The following PAPSS1 variants were observed in gnomAD, a reference collection of about 807,000 sequenced individuals.
PAPSS1 encodes the protein 3'-phosphoadenosine 5'-phosphosulfate synthase 1, also known as bifunctional 3'-phosphoadenosine 5'-phosphosulfate synthase 1.
PAPSS1 carries 50 observed loss-of-function variants against 72.0 expected under a neutral mutation model. That is an observed-to-expected ratio of 0.69 (90% confidence interval 0.55 to 0.88). The LOEUF (loss-of-function observed/expected upper bound fraction) is 0.88, where lower values mean the gene tolerates loss of function less well. PAPSS1 is among the 40% of genes least tolerant of loss of function. The pLI is 0.00. For missense variants in PAPSS1, 657 were observed against 782.2 expected (o/e 0.84, Z 1.91); for synonymous variants, 261 against 263.6 (o/e 0.99, Z 0.09).
In PAPSS1 at chr4:107,645,045, G is replaced by A. The variant is rs758279070; in HGVS notation, c.1263C>T (p.Arg421=). Residue 421 remains arginine, a synonymous_variant, in exon 10 of 12, where the codon CGC becomes CGT. Transcript: ENST00000265174. ...GGGCATGTCCATTGTGCACTGGGTT[G>A]CGTAGTTGAAATGCAAAGACAGCAT... ...NADAVFAFQL[R]NPVHNGHALL... 3.9e-6 allele frequency: 6 copies of A among 1,550,830 alleles called. No individual in the cohort carries two copies. In the Admixed American group the frequency reaches 9.8e-5, roughly 25 times the overall value.
chr4:107,646,292 GATAT>G (rs527908552), intron 9 of PAPSS1, among the ~76,000 whole-genome samples: 197 of 142,880 alleles, frequency 1.4e-3, no homozygotes, highest in African/African-American at 4.9e-3. Flanking sequence ...TAGAACTACA[GATAT>G]ATATATATAT....
At chr4:107,658,813 C>A (rs1317503079) in intron 6 of PAPSS1, among the ~76,000 whole-genome samples, 1 of 152,088 alleles carries the variant, frequency 6.6e-6, no homozygotes, top group Non-Finnish European at 1.5e-5. Flanking sequence ...TGTGTCCTCT[C>A]AAAATTCCTA....
At chr4:107,696,963 C>T (rs546593558) in intron 2 of PAPSS1, among the ~76,000 whole-genome samples, 1 of 152,288 alleles carries the variant, frequency 6.6e-6, no homozygotes, top group Admixed American at 6.5e-5. Context: ...TTAGGACTTA[C>T]CTGCAGCCAA....
At chr4:107,640,398 T>C (rs1333274603) in intron 10 of PAPSS1, among the ~76,000 whole-genome samples, 1 of 152,216 alleles carries the variant, frequency 6.6e-6, no homozygotes, top group African/African-American at 2.4e-5. Context: ...GAAAAGCATT[T>C]GTGCTAAGGA....
intron 10 of PAPSS1, 61 bp downstream of exon 10, chr4:107,644,741 T>A: frequency 6.7e-7 from 1 of 1,483,180 alleles, no homozygotes; most frequent in Non-Finnish European, 9.1e-7. Context: ...ATGGTGACAC[T>A]AGCTGTGTTA....
chr4:107,666,382 A>C (rs1051748367), intron 5 of PAPSS1, among the ~76,000 whole-genome samples: 20 of 152,222 alleles, frequency 1.3e-4, no homozygotes, highest in African/African-American at 4.6e-4. Flanking sequence ...AAATAAAAAA[A>C]TCCTGATTTG....
chr4:107,632,831 CACTGTTCCATATTAAAATAAGGTATA>C (rs2110303271), intron 10 of PAPSS1, among the ~76,000 whole-genome samples: 1 of 152,294 alleles, frequency 6.6e-6, no homozygotes, highest in East Asian at 1.9e-4. Flanking sequence ...ATAAAACCAT[CACTGTTCCATATTAAAATAAGGTATA>C]AATGATAACC....
At chr4:107,698,741 G>A (rs192711533) in intron 2 of PAPSS1, among the ~76,000 whole-genome samples, 2 of 152,292 alleles carry the variant, frequency 1.3e-5, no homozygotes, top group East Asian at 1.9e-4. Context: ...GTTATAGGGA[G>A]GGCCCCACAA....
intron 11 of PAPSS1, among the ~76,000 whole-genome samples, chr4:107,625,669 C>A (rs1226165806): frequency 1.3e-5 from 2 of 152,136 alleles, no homozygotes; most frequent in Non-Finnish European, 2.9e-5. Context: ...AAGAACCATG[C>A]ATGAGGTAAT....
In PAPSS1 at chr4:107,654,803, C is replaced by T. The variant is rs867977376; in HGVS notation, c.993G>A (p.Glu331=). 10 of 1,614,010 alleles carry T rather than the reference C, an allele frequency of 6.2e-6. No individual in the cohort carries two copies. The African/African-American group carries it at 1.2e-4, about 19-fold the overall frequency. Residue 331 remains glutamate, a synonymous_variant, in exon 8 of 12, where the codon GAG becomes GAA. Coordinates refer to ENST00000265174, the MANE Select transcript of PAPSS1 (RefSeq NM_005443.5). ...TGCGAAGAATGGCCACACGGCGGCC[C>T]TCATACATCAGAGCAAATGCTGTAC... ...DGCTAFALMY[E]GRRVAILRNP...
chr4:107,642,495 A>G (rs1726574777), intron 10 of PAPSS1, among the ~76,000 whole-genome samples: 1 of 152,198 alleles, frequency 6.6e-6, no homozygotes, highest in African/African-American at 2.4e-5. Context: ...AACCTAACAT[A>G]AAACTTACAA....
At chr4:107,693,269 A>C (rs1320536750) in intron 3 of PAPSS1, among the ~76,000 whole-genome samples, 2 of 151,804 alleles carry the variant, frequency 1.3e-5, no homozygotes, top group African/African-American at 4.8e-5. Flanking sequence ...GGGAGGAAAC[A>C]AAAATCCTGA....
At chr4:107,699,722 A>C (rs895087693) in intron 2 of PAPSS1, among the ~76,000 whole-genome samples, 1 of 152,212 alleles carries the variant, frequency 6.6e-6, no homozygotes, top group Non-Finnish European at 1.5e-5. Flanking sequence ...GATTAGGCTC[A>C]CACTTATTCA....
intron 5 of PAPSS1, among the ~76,000 whole-genome samples, chr4:107,673,601 G>A (rs1006022493): frequency 6.6e-6 from 1 of 152,166 alleles, no homozygotes; most frequent in Non-Finnish European, 1.5e-5. Flanking sequence ...GTAGCTGAAA[G>A]TGACAGGGAG....
At chr4:107,685,559 T>C (rs554403192) in intron 4 of PAPSS1, among the ~76,000 whole-genome samples, 1 of 152,304 alleles carries the variant, frequency 6.6e-6, no homozygotes, top group East Asian at 1.9e-4. Context: ...TTTCCTCCAA[T>C]TGTCATAATT....
At chr4:107,634,974 A>G (rs899836107) in intron 10 of PAPSS1, among the ~76,000 whole-genome samples, 1 of 151,294 alleles carries the variant, frequency 6.6e-6, no homozygotes, top group Admixed American at 6.6e-5. Context: ...ATTTTTTTGT[A>G]TTTTTAGTAG....
At chr4:107,688,685 C>T (rs1462302909) in intron 3 of PAPSS1, among the ~76,000 whole-genome samples, 5 of 152,146 alleles carry the variant, frequency 3.3e-5, no homozygotes, top group African/African-American at 9.7e-5. Context: ...TCACAGCCCA[C>T]TGCTCACCTT....
chr4:107,691,844 CTATCAA>C (rs1300003845), intron 3 of PAPSS1, among the ~76,000 whole-genome samples: 7 of 152,178 alleles, frequency 4.6e-5, no homozygotes, highest in Non-Finnish European at 8.8e-5. Flanking sequence ...ACTACAGCTA[CTATCAA>C]TATCAACAGT....
intron 11 of PAPSS1, among the ~76,000 whole-genome samples, chr4:107,622,207 T>C (rs762644035): frequency 9.2e-5 from 14 of 152,192 alleles, no homozygotes; most frequent in Non-Finnish European, 1.9e-4. Context: ...TTAAAAAAAA[T>C]GTCTTCAACG....
Sources: allele counts gnomAD v4.1 joint callset (sites outside exome capture counted in the v4.1 genomes callset), GRCh38; gene constraint gnomAD v4.1.1; transcripts MANE v1.5; gene names NCBI Gene and HGNC (gene_info 2026-07-23, HGNC 2026-07-21).